Variants in KCNC3 observed in about 807,000 individuals in gnomAD.
KCNC3 encodes voltage-gated potassium channel KCNC3.
Under a neutral mutation model 43.9 loss-of-function variants are expected in KCNC3, and 22 were observed. The observed-to-expected ratio is 0.50, with a 90% CI of 0.36 to 0.72. KCNC3 has a LOEUF of 0.72. Among genes scored for constraint, KCNC3 ranks in the 30% least tolerant of loss-of-function variants. The probability of loss-of-function intolerance (pLI) is 0.00; values close to 1 mark genes in which losing one functional copy is unlikely to be tolerated. For synonymous variants in KCNC3, 492 were observed against 488.0 expected (o/e 1.01, Z -0.11); for missense variants, 829 against 1,073.8 (o/e 0.77, Z 3.19).
chr19:50,316,914 T>C (rs1397745331), intron 4 of KCNC3, among the ~76,000 whole-genome samples: 1 of 151,760 alleles, frequency 6.6e-6, no homozygotes, highest in Non-Finnish European at 1.5e-5. Context: ...GCACCAGGGA[T>C]AGAAGCTTCA....
At chr19:50,321,336 T>C (rs2037031321) in intron 2 of KCNC3, among the ~76,000 whole-genome samples, 1 of 152,026 alleles carries the variant, frequency 6.6e-6, no homozygotes, top group Non-Finnish European at 1.5e-5. Context: ...GGTATAGTAG[T>C]ACACGCCTAT....
chr19:50,322,439 T>C (rs1428950325), intron 2 of KCNC3, among the ~76,000 whole-genome samples: 1 of 152,108 alleles, frequency 6.6e-6, no homozygotes, highest in Non-Finnish European at 1.5e-5. Context: ...TTGGGCTTGC[T>C]GTCATTAGAA....
intron 4 of KCNC3, among the ~76,000 whole-genome samples, chr19:50,319,546 C>A (rs1467221806): frequency 6.6e-6 from 1 of 152,192 alleles, no homozygotes; most frequent in Non-Finnish European, 1.5e-5. Context: ...TCTTCCTCTG[C>A]GTGTGGTCAG....
At chr19:50,325,522 G>T (rs923904486) in intron 1 of KCNC3, among the ~76,000 whole-genome samples, 1 of 152,156 alleles carries the variant, frequency 6.6e-6, no homozygotes, top group Non-Finnish European at 1.5e-5. Flanking sequence ...GAGAGTTTCG[G>T]GGCCACAGAG....
intron 1 of KCNC3, among the ~76,000 whole-genome samples, chr19:50,327,706 G>A (rs944723885): frequency 6.6e-6 from 1 of 151,988 alleles, no homozygotes; most frequent in Admixed American, 6.6e-5. Context: ...GGAAAGTGGG[G>A]GTCAGGGCTC....
chr19:50,328,162 C>A, intron 1 of KCNC3, 51 bp downstream of exon 1: 13 of 997,636 alleles, frequency 1.3e-5, no homozygotes, highest in Non-Finnish European at 1.5e-5. Context: ...AGACTGGGGG[C>A]GCCTGGAGAG....
rs2037144245 is a variant in KCNC3 at position 50,328,958 on chromosome 19, T to G, written c.125A>C (p.Gln42Pro). ...CGCGGCGGGGCCGGGCTGCGCAGGCTGCTGCTGCTGCGGCGGCAGCGGTGG... is the reference window on the plus strand; with the variant it reads ...CGCGGCGGGGCCGGGCTGCGCAGGCGGCTGCTGCTGCGGCGGCAGCGGTGG... The part of the protein sequence containing the change: ...PPPPLPPQQQ[Q>P]PAQPGPAASP... Residue 42 changes from glutamine (Q) to proline (P), a missense_variant, in exon 1 of 5, where the codon CAG becomes CCG. Physicochemically the swap from Gln to Pro is moderately conservative, Grantham distance 76. Coordinates refer to ENST00000477616, the MANE Select transcript of KCNC3 (RefSeq NM_004977.3). 1 of 888,666 alleles carries G rather than the reference T, an allele frequency of 1.1e-6. No homozygotes were observed. Among genetic ancestry groups the G allele is most frequent in the Non-Finnish European group, 1.4e-6 (1 of 715,694 alleles). 55.0% of individuals were successfully genotyped at this position (888,666 alleles called of 1,614,324 possible). A position where few individuals can be genotyped will look rare whatever the true frequency, so the allele number is the denominator to read the frequency against.
upstream of KCNC3, among the ~76,000 whole-genome samples, chr19:50,333,019 G>A (rs911768682): frequency 3.9e-5 from 6 of 152,096 alleles, no homozygotes. Context: ...ACGATCCTTC[G>A]TCCCCTAAAA....
chr19:50,327,828 T>A (rs577581841), intron 1 of KCNC3, among the ~76,000 whole-genome samples: 2,377 of 150,630 alleles, frequency 0.016, 60 homozygotes, highest in African/African-American at 0.055. Flanking sequence ...AGAGATTTGA[T>A]GGGGCCCAGG....
In KCNC3 at chr19:50,314,754, G is replaced by T. The variant is rs147707454; in HGVS notation, c.*1361C>A. The T allele has an allele frequency of 1.1e-5, 5 of 438,182 alleles. No individual in the cohort carries two copies. Among genetic ancestry groups the T allele is most frequent in the South Asian group, 3.2e-5 (2 of 63,328 alleles). 27.1% of individuals were successfully genotyped at this position (438,182 alleles called of 1,614,324 possible). On this transcript the variant is annotated 3_prime_UTR_variant, in exon 5 of 5. Transcript: ENST00000477616. ...GGTTGCATATTATTAATGACTTTTT[G>T]ATTTTTTTTAAAAAAACCCTTTTCC... is the stretch of plus-strand genomic sequence containing the variant.
At chr19:50,333,014 C>T (rs1327038430), upstream of KCNC3, among the ~76,000 whole-genome samples, 1 of 152,174 alleles carries the variant, frequency 6.6e-6, no homozygotes, top group African/African-American at 2.4e-5. Context: ...TGCCTACGAT[C>T]CTTCGTCCCC....
In KCNC3 at chr19:50,313,344, C is replaced by G. The variant is rs1231033636; in HGVS notation, c.*2771G>C. On this transcript the variant is annotated 3_prime_UTR_variant, in exon 5 of 5. Transcript: ENST00000477616. ...GTGGACTACTTTAAATGGAAACACT[C>G]TTAACCTAAATAAACCGTGTCCTAG... The G allele has an allele frequency of 1.3e-5, 2 of 152,212 alleles. No homozygotes were observed. The highest frequency in any genetic ancestry group is 2.4e-5 in the African/African-American group (1 of 41,456). The allele number at this position is 152,212 out of a possible 1,614,324, so 9.4% of individuals were successfully genotyped here. A position where few individuals can be genotyped will look rare whatever the true frequency, so the allele number is the denominator to read the frequency against.
At chr19:50,320,387 T>A in intron 3 of KCNC3, 38 bp from the exon 4 acceptor site, 1 of 512,072 alleles carries the variant, frequency 2.0e-6, no homozygotes, top group South Asian at 2.1e-5. Context: ...TTGGGGGGAA[T>A]GGACATGGAA....
Position 50,314,193 on chromosome 19 carries a change from GC to G in KCNC3, c.*1921del. On this transcript the variant is annotated 3_prime_UTR_variant, in exon 5 of 5. Transcript: ENST00000477616. ...AGGGAGCAGGTCCAAAGCCCGCCCC[GC>G]CCTCCCACCACCTGAGCTCAACTCG... The G allele has an allele frequency of 2.0e-5, 1 of 48,922 alleles. No homozygotes were observed. Among genetic ancestry groups the G allele is most frequent in the South Asian group, 7.2e-4 (1 of 1,386 alleles). 3.0% of individuals were successfully genotyped at this position (48,922 alleles called of 1,614,324 possible).
chr19:50,318,991 CAAA>C (rs11326559), intron 4 of KCNC3, among the ~76,000 whole-genome samples: 3 of 71,440 alleles, frequency 4.2e-5, no homozygotes, highest in Non-Finnish European at 7.2e-5. Context: ...AAGACAGTCT[CAAA>C]AAAAAAAAAA....
In KCNC3 at chr19:50,320,251, G is replaced by C; in HGVS notation, c.2269C>G (p.Pro757Ala). 2.1e-6 allele frequency: 2 copies of C among 946,766 alleles called. No homozygotes were observed. The highest frequency in any genetic ancestry group is 3.1e-4 in the Middle Eastern group (1 of 3,246). The allele number at this position is 946,766 out of a possible 1,614,324, so 58.6% of individuals were successfully genotyped here. The part of the protein sequence containing the change: ...LNANAAAWIS[P>A] ...GGGGGGAGGGGGTTCGTCCACTAGG[G>C]GGATATCCAGGCCGCGGCGTTGGCG... The change falls in exon 4 of 5, where the codon CCC (proline) becomes GCC (alanine). Residue 757 changes from proline (P) to alanine (A), a missense_variant. Physicochemically the swap from Pro to Ala is conservative, Grantham distance 27 (BLOSUM62 -1). Coordinates refer to ENST00000477616, the MANE Select transcript of KCNC3 (RefSeq NM_004977.3).
chr19:50,321,367 C>G (rs1434204517), intron 2 of KCNC3, among the ~76,000 whole-genome samples: 1 of 152,138 alleles, frequency 6.6e-6, no homozygotes, highest in Non-Finnish European at 1.5e-5. Context: ...ACTCTGCAGG[C>G]TGAGGCAGGA....
Position 50,320,248 on chromosome 19 carries a change from A to T in KCNC3, c.2272T>A (p.Ter758LysextTer29). The change falls in exon 4 of 5, where the codon TAG becomes AAG. Residue 758 changes from the stop codon to lysine, a stop_lost. Transcript: ENST00000477616. ...CCCGGGGGGAGGGGGTTCGTCCACT[A>T]GGGGGATATCCAGGCCGCGGCGTTG... is the stretch of plus-strand genomic sequence containing the variant. ...NANAAAWISP[*>K] The T allele has an allele frequency of 1.8e-6, 1 of 549,590 alleles. No individual in the cohort carries two copies. Among genetic ancestry groups the T allele is most frequent in the Non-Finnish European group, 2.5e-6 (1 of 398,156 alleles). The allele number at this position is 549,590 out of a possible 1,614,324, so 34.0% of individuals were successfully genotyped here.
chr19:50,324,089 G>T lies in KCNC3; in HGVS notation c.871-7C>A. On this transcript the variant is annotated splice_polypyrimidine_tract_variant and splice_region_variant and intron_variant, in intron 1 of 4. Transcript: ENST00000477616. This position sits in a 1 kb window ranked among gnomAD's most constrained non-coding sequence, Gnocchi z 4.1. The stretch of plus-strand genomic sequence containing the variant: ...GGGAGGCGAAGGCCACATACTGCAG[G>T]GCAGGGAGGGAGAGAGAGGGGGAGA... 6.3e-7 allele frequency: 1 copy of T among 1,583,202 alleles called. No homozygotes were observed. The highest frequency in any genetic ancestry group is 8.6e-7 in the Non-Finnish European group (1 of 1,163,892).
Sources: gnomAD v4.1 joint callset for allele counts (sites outside exome capture counted in the v4.1 genomes callset) on GRCh38, gnomAD v4.1.1 for gene constraint, Gnocchi (gnomAD v3.1) non-coding constraint, MANE v1.5 for transcripts, NCBI Gene and HGNC (gene_info 2026-07-23, HGNC 2026-07-21) for gene names.